The following ZBTB40 variants were observed in gnomAD, a reference collection of about 807,000 sequenced individuals.
ZBTB40 encodes zinc finger and BTB domain-containing protein 40.
In ZBTB40, 60 loss-of-function variants were observed where a neutral mutation model predicts 117.5. The observed-to-expected ratio is 0.51, with a 90% CI of 0.41 to 0.63. The LOEUF is 0.63. Among genes scored for constraint, ZBTB40 ranks in the 30% least tolerant of loss-of-function variants. The probability of loss-of-function intolerance (pLI) is 0.00; values close to 1 mark genes in which losing one functional copy is unlikely to be tolerated. For synonymous variants in ZBTB40, 525 were observed against 577.1 expected, an observed-to-expected ratio of 0.91 and a Z score of 1.29; for missense variants, 1,287 against 1,498.5, an observed-to-expected ratio of 0.86 and a Z score of 2.33.
intron 1 of ZBTB40, among the ~76,000 whole-genome samples, chr1:22,431,292 G>GAATATATACAATATTGTATATATTT (rs1557468611): frequency 8.5e-6 from 1 of 117,304 alleles, no homozygotes; most frequent in Admixed American, 8.9e-5. Flanking sequence ...TGTATATATT[G>GAATATATACAATATTGTATATATTT]AATATATTGA....
At chr1:22,439,024 C>T (rs971940589) in intron 1 of ZBTB40, among the ~76,000 whole-genome samples, 34 of 152,066 alleles carry the variant, frequency 2.2e-4, no homozygotes, top group African/African-American at 7.2e-4. Flanking sequence ...CCCACCACCA[C>T]GTCCAGCTAA....
intron 1 of ZBTB40, among the ~76,000 whole-genome samples, chr1:22,438,543 G>A (rs1377009249): frequency 6.6e-6 from 1 of 152,158 alleles, no homozygotes; most frequent in Non-Finnish European, 1.5e-5. Flanking sequence ...ACCCAGAAGT[G>A]GAATTGCTGG....
intron 13 of ZBTB40, 138 bp downstream of exon 13, chr1:22,517,602 C>T (rs1639407829): frequency 1.0e-6 from 1 of 978,386 alleles, no homozygotes; most frequent in African/African-American, 1.6e-5. Flanking sequence ...CTGCAAAACC[C>T]AGAGTCCCTC....
rs1468812732 is a variant in ZBTB40 at position 22,524,573 on chromosome 1, T to C, written c.3525+129T>C. The stretch of plus-strand genomic sequence containing the variant: ...TTGTAGAGAGTCTCTCTGGACTTCT[T>C]ACAAAACAGAACAGAAAATTCTAGT... On this transcript the variant is annotated intron_variant, in intron 17 of 17. Coordinates refer to ENST00000375647, the MANE Select transcript of ZBTB40 (RefSeq NM_014870.4). The C allele has an allele frequency of 3.4e-5, 38 of 1,105,610 alleles. No individual in the cohort carries two copies. In the Middle Eastern group the frequency reaches 1.7e-3, roughly 50 times the overall value. 68.5% of individuals were successfully genotyped at this position (1,105,610 alleles called of 1,614,324 possible).
In ZBTB40 at chr1:22,517,472, G is replaced by A; in HGVS notation, c.2833+8G>A. ...ATCTGCACACCTTTCACAGTATGTAGAGACTGTGGATCTCAAGCCCTCAGT... is the reference window on the plus strand; with the variant it reads ...ATCTGCACACCTTTCACAGTATGTAAAGACTGTGGATCTCAAGCCCTCAGT... On this transcript the variant is annotated splice_region_variant and intron_variant, in intron 13 of 17. Coordinates refer to ENST00000375647, the MANE Select transcript of ZBTB40 (RefSeq NM_014870.4). The A allele has an allele frequency of 2.5e-6, 4 of 1,609,822 alleles. No homozygotes were observed. The highest frequency in any genetic ancestry group is 3.4e-6 in the Non-Finnish European group (4 of 1,177,032).
intron 1 of ZBTB40, among the ~76,000 whole-genome samples, chr1:22,468,668 T>TTC (rs1641324270): frequency 7.1e-6 from 1 of 141,040 alleles, no homozygotes; most frequent in African/African-American, 2.7e-5. Flanking sequence ...TTTTTTTTTT[T>TTC]TTTTAGTTTT....
At chr1:22,494,391 C>T (rs201195028) in intron 3 of ZBTB40, among the ~76,000 whole-genome samples, 1 of 152,134 alleles carries the variant, frequency 6.6e-6, no homozygotes, top group Non-Finnish European at 1.5e-5. Context: ...GTGTCTAGTA[C>T]GTAGCAATCA....
At position 22,527,580 on chromosome 1, in the gene ZBTB40, C is replaced by T. The variant is rs566054003; in HGVS notation, c.*1184C>T. On this transcript the variant is annotated 3_prime_UTR_variant, in exon 18 of 18. Coordinates refer to ENST00000375647, the MANE Select transcript of ZBTB40 (RefSeq NM_014870.4). ...GCATTTATCTTCTTTTCCTTCCATG[C>T]CAAAGGTTGGAGTCTGCTGGTGCGG... is the stretch of plus-strand genomic sequence containing the variant. The T allele has an allele frequency of 8.5e-5, 13 of 152,510 alleles. No homozygotes were observed. In the South Asian group the frequency reaches 1.7e-3, roughly 19 times the overall value. The allele number at this position is 152,510 out of a possible 1,614,324, so 9.4% of individuals were successfully genotyped here.
In ZBTB40 at chr1:22,522,412, C is replaced by T. The variant is rs1366650676; in HGVS notation, c.3247C>T (p.Leu1083Phe). 1.9e-6 allele frequency: 3 copies of T among 1,614,078 alleles called. No individual in the cohort carries two copies. Among genetic ancestry groups the T allele is most frequent in the African/African-American group, 2.7e-5 (2 of 74,928 alleles). Reference sequence around the variant, plus strand: ...CCATGAATGTGACCAGTGTAAGGAGCTCTTCCCCACGCCAGCCTTGCTGCA... The same window carrying T: ...CCATGAATGTGACCAGTGTAAGGAGTTCTTCCCCACGCCAGCCTTGCTGCA... ...KFHECDQCKE[L>F]FPTPALLQVH... Residue 1083 changes from leucine (L) to phenylalanine (F), a missense_variant, in exon 16 of 18, where the codon CTC (leucine) becomes TTC (phenylalanine). Physicochemically the swap from Leu to Phe is conservative, Grantham distance 22. This residue lies in a region of ZBTB40 where 417 missense variants were observed against 564.1 expected (regional missense o/e 0.74). Transcript: ENST00000375647.
Position 22,457,204 on chromosome 1 carries a change from T to G in ZBTB40, c.-70+5200T>G, listed in dbSNP as rs564272832. ...GAGGATTAAAGAAAGAAAGGCTGTT[T>G]CCCTGCATTTGTCCACAGAGTCCCC... On this transcript the variant is annotated intron_variant, in intron 1 of 17. Coordinates refer to ENST00000375647, the MANE Select transcript of ZBTB40 (RefSeq NM_014870.4). Among the ~76,000 whole-genome samples the G allele has an allele frequency of 2.6e-5, 4 of 152,194 alleles. No homozygotes were observed. The South Asian group carries it at 8.3e-4, about 32-fold the overall frequency.
At chr1:22,479,472 T>C (rs537236070) in intron 1 of ZBTB40, among the ~76,000 whole-genome samples, 8 of 152,318 alleles carry the variant, frequency 5.3e-5, no homozygotes, top group African/African-American at 1.9e-4. Flanking sequence ...TTCCTTAATA[T>C]TTGAAAACTG....
chr1:22,469,837 C>G (rs2124402637), intron 1 of ZBTB40, among the ~76,000 whole-genome samples: 1 of 152,212 alleles, frequency 6.6e-6, no homozygotes, highest in South Asian at 2.1e-4. Flanking sequence ...GTGCCCGGCC[C>G]CACCTTATAG....
chr1:22,439,486 GTGT>G (rs1640707947), intron 1 of ZBTB40, among the ~76,000 whole-genome samples: 1 of 152,112 alleles, frequency 6.6e-6, no homozygotes, highest in Non-Finnish European at 1.5e-5. Context: ...TTACATTTAT[GTGT>G]TCAATTCATT....
At chr1:22,444,473 A>G (rs954899084) in intron 1 of ZBTB40, among the ~76,000 whole-genome samples, 21 of 152,262 alleles carry the variant, frequency 1.4e-4, no homozygotes, top group African/African-American at 5.1e-4. Context: ...CTCCCAATAG[A>G]TAGAAAAAGC....
chr1:22,436,151 T>C (rs1266343463), intron 1 of ZBTB40, among the ~76,000 whole-genome samples: 2 of 152,210 alleles, frequency 1.3e-5, no homozygotes, highest in African/African-American at 4.8e-5. Context: ...TATGACCTAG[T>C]CTTCACATTC....
At chr1:22,500,363 TGGATTGAAA>T (rs1385188848) in intron 3 of ZBTB40, among the ~76,000 whole-genome samples, 11 of 152,308 alleles carry the variant, frequency 7.2e-5, no homozygotes, top group Non-Finnish European at 1.2e-4. Context: ...GTGGCAGCTC[TGGATTGAAA>T]TAGTGCAGGG....
chr1:22,452,709 G>T (rs907235933), intron 1 of ZBTB40: 1 of 152,308 alleles, frequency 6.6e-6, no homozygotes, highest in African/African-American at 2.4e-5. Flanking sequence ...GATCAGTGTT[G>T]TCATTCAGCT....
rs748205525 is a variant in ZBTB40, at chr1:22,509,089, C to T, written c.1700-11C>T. The T allele has an allele frequency of 6.8e-6, 11 of 1,613,968 alleles. No homozygotes were observed. Among genetic ancestry groups the T allele is most frequent in the Non-Finnish European group, 9.3e-6 (11 of 1,179,980 alleles). ...TTTGCCTAATGAGTTTTTGATCCCCCTTTTTTTCAGTGACCACCCCAGAAC... is the reference window on the plus strand; with the variant it reads ...TTTGCCTAATGAGTTTTTGATCCCCTTTTTTTTCAGTGACCACCCCAGAAC... On this transcript the variant is annotated splice_polypyrimidine_tract_variant and intron_variant, in intron 8 of 17. Transcript: ENST00000375647.
rs144430210 is a variant in ZBTB40 at position 22,452,322 on chromosome 1, T to C, written c.-70+318T>C. Among the ~76,000 whole-genome samples, 142 of 152,286 alleles carry C rather than the reference T, an allele frequency of 9.3e-4. 3 individuals are homozygous for C. The East Asian group carries it at 0.024, about 26-fold the overall frequency. ...TCTCGGCCCGTCCGGAGGCCTCTTGTCGCTGTCTCACTCCCCCTCCCTTCA... is the reference window on the plus strand; with the variant it reads ...TCTCGGCCCGTCCGGAGGCCTCTTGCCGCTGTCTCACTCCCCCTCCCTTCA... On this transcript the variant is annotated intron_variant, in intron 1 of 17. Transcript: ENST00000375647.
Sources: allele counts gnomAD v4.1 joint callset (sites outside exome capture counted in the v4.1 genomes callset), GRCh38; gene constraint gnomAD v4.1.1; regional missense constraint gnomAD v4.1.1; transcripts MANE v1.5; gene names NCBI Gene and HGNC (gene_info 2026-07-23, HGNC 2026-07-21).